Variants in GATB observed in about 807,000 individuals in gnomAD.
GATB encodes glutamyl-tRNA amidotransferase subunit B.
GATB carries 39 observed loss-of-function variants against 62.3 expected under a neutral mutation model. The ratio of observed to expected loss-of-function variants is 0.63; its 90% CI spans 0.48 to 0.82. The LOEUF (loss-of-function observed/expected upper bound fraction) is 0.82, where lower values mean the gene tolerates loss of function less well. GATB is among the 40% of genes least tolerant of loss of function. GATB has a pLI of 0.00. For missense variants in GATB, 670 were observed against 684.0 expected (o/e 0.98, Z 0.23); for synonymous variants, 276 against 258.9 (o/e 1.07, Z -0.63).
chr4:151,702,984 C>A (rs866115125), intron 8 of GATB, among the ~76,000 whole-genome samples: 1 of 152,090 alleles, frequency 6.6e-6, no homozygotes, highest in Admixed American at 6.5e-5. Flanking sequence ...AAGCCACGGG[C>A]GGATGGAAAG....
chr4:151,703,269 C>G (rs532642345), intron 8 of GATB: 1 of 152,712 alleles, frequency 6.5e-6, no homozygotes, highest in African/African-American at 2.4e-5. Context: ...GGTGGCCGAT[C>G]TCACAACTTT....
At chr4:151,722,248 C>T in intron 2 of GATB, 1 of 702,102 alleles carries the variant, frequency 1.4e-6, no homozygotes, top group Non-Finnish European at 2.6e-6. Flanking sequence ...GTCTATAAAG[C>T]ACTAAACTTT....
rs777034996 is a variant in GATB, at chr4:151,760,991, C to T, written c.-9G>A. ...AGCATGGGCGCCGCCATTGTAACTC[C>T]AGGGTCTTGGTCAGGTGACTCAGCC... On this transcript the variant is annotated 5_prime_UTR_variant, in exon 1 of 13. Transcript: ENST00000263985. The T allele has an allele frequency of 1.9e-6, 3 of 1,608,498 alleles. No individual in the cohort carries two copies. The highest frequency in any genetic ancestry group is 8.5e-7 in the Non-Finnish European group (1 of 1,178,010).
chr4:151,750,233 T>C (rs1256848679), intron 2 of GATB, among the ~76,000 whole-genome samples: 1 of 152,228 alleles, frequency 6.6e-6, no homozygotes, highest in Non-Finnish European at 1.5e-5. Context: ...TTTAAATAAC[T>C]GATCATGAAA....
intron 9 of GATB, among the ~76,000 whole-genome samples, chr4:151,692,800 G>A (rs7667197): frequency 0.59 from 89,745 of 152,160 alleles, 29,069 homozygotes; most frequent in African/African-American, 0.88. Context: ...CATACCAATT[G>A]AGCATATTGT....
chr4:151,730,639 G>T lies in GATB; in HGVS notation c.328-11101C>A, dbSNP rs902555993. Among the ~76,000 whole-genome samples, 1 of 152,206 alleles carries T rather than the reference G, an allele frequency of 6.6e-6. No homozygotes were observed. Among genetic ancestry groups the T allele is most frequent in the African/African-American group, 2.4e-5 (1 of 41,442 alleles). On this transcript the variant is annotated intron_variant, in intron 2 of 12. Transcript: ENST00000263985. The surrounding 1 kb of genome is among the most constrained non-coding windows in gnomAD (Gnocchi z 4.1). The stretch of plus-strand genomic sequence containing the variant: ...CCCAGTGCCAGCCTGGAGCCACGAA[G>T]ACTCACTGGGTGGCTAGACCCAGAA...
At chr4:151,686,662 C>G (rs1278665068) in intron 10 of GATB, among the ~76,000 whole-genome samples, 1 of 129,408 alleles carries the variant, frequency 7.7e-6, no homozygotes, top group Admixed American at 7.7e-5. Flanking sequence ...GCCCCCCCCC[C>G]ACCCCCCAGT....
At chr4:151,740,475 G>A (rs558407983) in intron 2 of GATB, among the ~76,000 whole-genome samples, 62 of 152,166 alleles carry the variant, frequency 4.1e-4, no homozygotes, top group Admixed American at 1.3e-3. Flanking sequence ...TAAACATATT[G>A]TCATGTATTA....
At chr4:151,679,722 T>C in intron 11 of GATB, 91 bp downstream of exon 11, 3 of 1,031,420 alleles carry the variant, frequency 2.9e-6, no homozygotes, top group Non-Finnish European at 4.6e-6. Context: ...ACTTCCATGA[T>C]GAAAGTCACT....
intron 2 of GATB, among the ~76,000 whole-genome samples, chr4:151,755,467 A>G (rs1739808561): frequency 6.6e-6 from 1 of 152,208 alleles, no homozygotes; most frequent in Non-Finnish European, 1.5e-5. Context: ...CTTTGCCCAC[A>G]TGTTTATTTT....
In GATB at chr4:151,671,317, A is replaced by ATTACTTAC. The variant is rs34076826; in HGVS notation, c.1546-23_1546-16dup. 5.0e-5 allele frequency: 80 copies of ATTACTTAC among 1,605,802 alleles called. No individual in the cohort carries two copies. Among genetic ancestry groups the ATTACTTAC allele is most frequent in the Middle Eastern group, 1.7e-4 (1 of 6,030 alleles). On this transcript the variant is annotated splice_polypyrimidine_tract_variant and intron_variant, in intron 12 of 12. Coordinates refer to ENST00000263985, the MANE Select transcript of GATB (RefSeq NM_004564.3). ...ACATCCATTACCTAGAAGGACAGAA[A>ATTACTTAC]TTACTTACTTAAGAGGAGAAAATGA...
intron 9 of GATB, among the ~76,000 whole-genome samples, chr4:151,697,935 A>ATGTGTG (rs1199222631): frequency 2.7e-5 from 2 of 74,712 alleles, no homozygotes; most frequent in African/African-American, 1.6e-4. Flanking sequence ...GATTTCATAT[A>ATGTGTG]TATGTGTGTG....
chr4:151,696,917 A>C (rs144030510), intron 9 of GATB, among the ~76,000 whole-genome samples: 125 of 152,344 alleles, frequency 8.2e-4, no homozygotes, highest in Non-Finnish European at 1.4e-3. Flanking sequence ...ATGCTATTAG[A>C]ATCTCTCGTT....
chr4:151,703,860 T>G lies in GATB; in HGVS notation c.998A>C (p.Gln333Pro). 1 of 1,602,580 alleles carries G rather than the reference T, an allele frequency of 6.2e-7. No homozygotes were observed. Among genetic ancestry groups the G allele is most frequent in the Non-Finnish European group, 8.6e-7 (1 of 1,169,466 alleles). ...CATAAGGAGTAACCACCTGTAGTCC[T>G]GTTTTCCTTCTTTGTCTCTCATTGA... ...TMSMRDKEGK[Q>P]DYRFMPEPNL... is the part of the protein sequence containing the mutation. The change falls in exon 8 of 13, where the codon CAG becomes CCG. Residue 333 changes from glutamine (Q) to proline (P), a missense_variant. Coordinates refer to ENST00000263985, the MANE Select transcript of GATB (RefSeq NM_004564.3).
At chr4:151,715,683 T>A (rs1738898383) in intron 5 of GATB, among the ~76,000 whole-genome samples, 1 of 152,234 alleles carries the variant, frequency 6.6e-6, no homozygotes, top group Admixed American at 6.5e-5. Flanking sequence ...ACTCACTAAC[T>A]AAGAACTGTT....
intron 6 of GATB, among the ~76,000 whole-genome samples, chr4:151,707,094 G>T (rs2126972259): frequency 6.6e-6 from 1 of 152,282 alleles, no homozygotes; most frequent in Middle Eastern, 3.4e-3. Flanking sequence ...CAGTTAAAAA[G>T]AATATAAAAA....
chr4:151,693,337 C>G (rs10025109), intron 9 of GATB, among the ~76,000 whole-genome samples: 22,332 of 152,096 alleles, frequency 0.15, 1,945 homozygotes, highest in African/African-American at 0.25. Flanking sequence ...GGTGGGTTCA[C>G]GGGAATCGGT....
At position 151,671,161 on chromosome 4, in the gene GATB, G is replaced by C; in HGVS notation, c.*13C>G. ...TTTGTTGTTGTCCCTTGGGCAAGGG[G>C]ATCCCAAACATCTCACAATGACAGC... is the stretch of plus-strand genomic sequence containing the variant. On this transcript the variant is annotated 3_prime_UTR_variant, in exon 13 of 13. Transcript: ENST00000263985. 6.2e-7 allele frequency: 1 copy of C among 1,614,098 alleles called. No homozygotes were observed. The highest frequency in any genetic ancestry group is 8.5e-7 in the Non-Finnish European group (1 of 1,179,990).
Position 151,708,006 on chromosome 4 carries a change from A to C in GATB, c.859T>G (p.Phe287Val). 6.2e-7 allele frequency: 1 copy of C among 1,613,202 alleles called. No individual in the cohort carries two copies. Among genetic ancestry groups the C allele is most frequent in the Non-Finnish European group, 8.5e-7 (1 of 1,179,084 alleles). Residue 287 changes from phenylalanine (F) to valine (V), a missense_variant, in exon 6 of 13, where the codon TTC becomes GTC. Transcript: ENST00000263985. Reference protein sequence around the residue: ...TEVKNLNSIRFLAKAIDYEIQ... With the variant: ...TEVKNLNSIRVLAKAIDYEIQ... ...CATTCACCTATGGCTTTGGCCAGGAACCTGATGCTGTTGAGATTCTTCACT... is the reference window on the plus strand; with the variant it reads ...CATTCACCTATGGCTTTGGCCAGGACCCTGATGCTGTTGAGATTCTTCACT...
Sources: allele counts gnomAD v4.1 joint callset (sites outside exome capture counted in the v4.1 genomes callset), GRCh38; gene constraint gnomAD v4.1.1; non-coding constraint Gnocchi (gnomAD v3.1); transcripts MANE v1.5; gene names NCBI Gene and HGNC (gene_info 2026-07-23, HGNC 2026-07-21).